ATXN7L1: variants seen among roughly 807,000 people sequenced by gnomAD.
The protein encoded by ATXN7L1 is ataxin 7 like 1.
In ATXN7L1, 15 loss-of-function variants were observed where a neutral mutation model predicts 70.8. That is an observed-to-expected ratio of 0.21 (90% CI 0.14 to 0.33). The LOEUF (loss-of-function observed/expected upper bound fraction) is 0.33, where lower values mean the gene tolerates loss of function less well. Among genes scored for constraint, ATXN7L1 ranks in the 10% least tolerant of loss-of-function variants. The probability of loss-of-function intolerance (pLI) is 1.00; values close to 1 mark genes in which losing one functional copy is unlikely to be tolerated. For missense variants in ATXN7L1, 975 were observed against 1,097.1 expected, an observed-to-expected ratio of 0.89 and a Z score of 1.57; for synonymous variants, 440 against 445.1, an observed-to-expected ratio of 0.99 and a Z score of 0.14.
Position 105,785,639 on chromosome 7 carries a change from C to A in ATXN7L1, c.355+2965G>T, listed in dbSNP as rs557474270. 1.6e-3 allele frequency among the ~76,000 whole-genome samples: 239 copies of A among 152,216 alleles called. 1 individual carries two copies. The highest frequency in any genetic ancestry group is 5.3e-3 in the African/African-American group (220 of 41,520). On this transcript the variant is annotated intron_variant, in intron 3 of 11. Coordinates refer to ENST00000419735, the MANE Select transcript of ATXN7L1 (RefSeq NM_020725.2). ...CTATGGACTGAATGTTTGCGTCCCT[C>A]GCAAATTCCTATGTTGAAATCCTAC...
intron 2 of ATXN7L1, among the ~76,000 whole-genome samples, chr7:105,839,203 C>A (rs772786045): frequency 6.6e-6 from 1 of 151,370 alleles, no homozygotes; most frequent in African/African-American, 2.4e-5. Context: ...AGCTGAGAGA[C>A]GTTTTTAGGA....
At chr7:105,706,442 T>C (rs539083486) in intron 3 of ATXN7L1, among the ~76,000 whole-genome samples, 189 of 152,280 alleles carry the variant, frequency 1.2e-3, no homozygotes, top group African/African-American at 4.0e-3. Context: ...GTGATCCGCC[T>C]GCCTTGGCCT....
intron 3 of ATXN7L1, among the ~76,000 whole-genome samples, chr7:105,699,819 C>T (rs1036979977): frequency 6.6e-6 from 1 of 152,194 alleles, no homozygotes; most frequent in African/African-American, 2.4e-5. Context: ...AGCTTCCCCG[C>T]TTTCTGGCTT....
intron 2 of ATXN7L1, among the ~76,000 whole-genome samples, chr7:105,843,762 C>T (rs1813567987): frequency 6.6e-6 from 1 of 152,202 alleles, no homozygotes; most frequent in African/African-American, 2.4e-5. Flanking sequence ...GATAAGAAAA[C>T]ACCATTGCAT....
At chr7:105,678,077 G>T (rs1184871405) in intron 3 of ATXN7L1, 1 of 861,750 alleles carries the variant, frequency 1.2e-6, no homozygotes, top group Non-Finnish European at 1.4e-6. Context: ...GTCAACATAT[G>T]CGTACAGACA....
intron 7 of ATXN7L1, among the ~76,000 whole-genome samples, chr7:105,633,785 A>G (rs1455551513): frequency 6.6e-6 from 1 of 152,148 alleles, no homozygotes; most frequent in Non-Finnish European, 1.5e-5. Flanking sequence ...ACACTCTATA[A>G]TAAGTTCCAG....
chr7:105,768,898 G>C (rs1053592036), intron 3 of ATXN7L1, among the ~76,000 whole-genome samples: 1 of 152,250 alleles, frequency 6.6e-6, no homozygotes, highest in African/African-American at 2.4e-5. Context: ...AATGTTGGAA[G>C]TTTCATAAAA....
chr7:105,670,119 T>G (rs1354551935), intron 3 of ATXN7L1, among the ~76,000 whole-genome samples: 1 of 152,170 alleles, frequency 6.6e-6, no homozygotes, highest in African/African-American at 2.4e-5. Context: ...TGTAGTGGAC[T>G]TACACAGTTT....
At chr7:105,699,600 T>C (rs606405) in intron 3 of ATXN7L1, among the ~76,000 whole-genome samples, 5,252 of 152,266 alleles carry the variant, frequency 0.034, 156 homozygotes, top group South Asian at 0.12. Context: ...AAGAAATGAA[T>C]TTTACAGTGC....
chr7:105,733,481 T>G, intron 3 of ATXN7L1, among the ~76,000 whole-genome samples: 1 of 149,622 alleles, frequency 6.7e-6, no homozygotes, highest in Admixed American at 6.7e-5. Flanking sequence ...CTCCAGGAGG[T>G]CCATCCATCC....
intron 3 of ATXN7L1, chr7:105,678,011 G>A: frequency 1.0e-6 from 1 of 985,296 alleles, no homozygotes; most frequent in Non-Finnish European, 1.2e-6. Flanking sequence ...TCCTTGGAGT[G>A]GCAGTTGGCA....
At chr7:105,642,047 TAAG>T (rs954947382) in intron 5 of ATXN7L1, among the ~76,000 whole-genome samples, 9 of 152,200 alleles carry the variant, frequency 5.9e-5, no homozygotes, top group Admixed American at 2.0e-4. Context: ...GCCCATGATG[TAAG>T]AAGAAGTTAT....
intron 3 of ATXN7L1, among the ~76,000 whole-genome samples, chr7:105,747,640 CCAGA>C (rs2116377096): frequency 6.6e-6 from 1 of 152,280 alleles, no homozygotes; most frequent in East Asian, 1.9e-4. Flanking sequence ...TTCTGGAGGC[CCAGA>C]CTTGCAACTG....
rs1285382419 is a variant in ATXN7L1, at chr7:105,614,536, C to A, written c.1798G>T (p.Ala600Ser). 1 of 1,539,134 alleles carries A rather than the reference C, an allele frequency of 6.5e-7. No homozygotes were observed. The highest frequency in any genetic ancestry group is 8.8e-7 in the Non-Finnish European group (1 of 1,139,336). The change falls in exon 10 of 12, where the codon GCC becomes TCC. Residue 600 changes from alanine to serine, a missense_variant. Ala to Ser is a moderately conservative substitution (Grantham distance 99, BLOSUM62 1). Transcript: ENST00000419735. This position sits in a 1 kb window ranked among gnomAD's most constrained non-coding sequence, Gnocchi z 4.3. ...GGTATCGGGGACACGGCGGATGGGGCCTTGAAGGTTGAGTCCATGATGCTG... is the reference window on the plus strand; with the variant it reads ...GGTATCGGGGACACGGCGGATGGGGACTTGAAGGTTGAGTCCATGATGCTG... ...TLSIMDSTFKAPSAVSPIPAV... is the reference protein window; with the variant it reads ...TLSIMDSTFKSPSAVSPIPAV...
chr7:105,733,541 CCCATCCAT>C (rs1796857081), intron 3 of ATXN7L1, among the ~76,000 whole-genome samples: 2 of 21,374 alleles, frequency 9.4e-5, no homozygotes, highest in Non-Finnish European at 1.0e-4. Flanking sequence ...CATCCATCCA[CCCATCCAT>C]CCATCCACCC....
chr7:105,668,234 G>GA (rs1193739354), intron 3 of ATXN7L1, among the ~76,000 whole-genome samples: 1 of 152,066 alleles, frequency 6.6e-6, no homozygotes, highest in Non-Finnish European at 1.5e-5. Flanking sequence ...TAAATTTACA[G>GA]AAAAAACCTT....
At chr7:105,745,753 CTG>C (rs1798518987) in intron 3 of ATXN7L1, among the ~76,000 whole-genome samples, 1 of 152,230 alleles carries the variant, frequency 6.6e-6, no homozygotes, top group African/African-American at 2.4e-5. Context: ...GTCTTACTCT[CTG>C]TTTACCCAGA....
chr7:105,727,192 C>T (rs182021111), intron 3 of ATXN7L1, among the ~76,000 whole-genome samples: 84 of 152,246 alleles, frequency 5.5e-4, no homozygotes, highest in Non-Finnish European at 1.0e-3. Context: ...AAACACTATG[C>T]ACAAGAGTGT....
At chr7:105,786,730 G>T (rs1208810368) in intron 3 of ATXN7L1, among the ~76,000 whole-genome samples, 1 of 151,906 alleles carries the variant, frequency 6.6e-6, no homozygotes, top group Non-Finnish European at 1.5e-5. Flanking sequence ...GCCCAGGCTG[G>T]TCTCAAACTC....
Sources: allele counts gnomAD v4.1 joint callset (sites outside exome capture counted in the v4.1 genomes callset), GRCh38; gene constraint gnomAD v4.1.1; non-coding constraint Gnocchi (gnomAD v3.1); transcripts MANE v1.5; gene names NCBI Gene and HGNC (gene_info 2026-07-23, HGNC 2026-07-21).